The following KIF1C variants were observed in gnomAD, a reference collection of about 807,000 sequenced individuals.
KIF1C encodes the protein kinesin-like protein KIF1C.
Under a neutral mutation model 126.5 loss-of-function variants are expected in KIF1C, and 61 were observed. That is an observed-to-expected ratio of 0.48 (90% CI 0.39 to 0.60). The LOEUF is 0.60. Ranked by LOEUF, KIF1C falls within the 20% of genes least tolerant of loss-of-function variation. KIF1C has a pLI of 0.00. For missense variants in KIF1C, 1,315 were observed against 1,489.2 expected (o/e 0.88, Z 1.93); for synonymous variants, 640 against 580.6 (o/e 1.10, Z -1.47).
chr17:4,998,972 T>C (rs886133553), intron 1 of KIF1C: 2 of 152,220 alleles, frequency 1.3e-5, no homozygotes, highest in Non-Finnish European at 1.5e-5. Flanking sequence ...AGGTTGGGGC[T>C]GGCACCAGCC....
intron 9 of KIF1C, 66 bp from the exon 10 acceptor site, chr17:5,003,785 A>G: frequency 5.8e-6 from 9 of 1,560,002 alleles, no homozygotes; most frequent in Non-Finnish European, 8.0e-6. Context: ...CTGGGGAGGT[A>G]GGAAGCGGAA....
intron 13 of KIF1C, among the ~76,000 whole-genome samples, chr17:5,006,417 A>C (rs1408594365): frequency 6.7e-6 from 1 of 150,280 alleles, no homozygotes; most frequent in African/African-American, 2.4e-5. Context: ...GCTCACTGCA[A>C]CCTCTACCTC....
Position 5,023,369 on chromosome 17 carries a change from C to T in KIF1C, c.2629-99C>T. 2 of 1,022,590 alleles carry T rather than the reference C, an allele frequency of 2.0e-6. No homozygotes were observed. Among genetic ancestry groups the T allele is most frequent in the Non-Finnish European group, 2.9e-6 (2 of 687,458 alleles). 63.3% of individuals were successfully genotyped at this position (1,022,590 alleles called of 1,614,324 possible). On this transcript the variant is annotated intron_variant, in intron 22 of 22. Transcript: ENST00000320785. The surrounding 1 kb of genome is among the most constrained non-coding windows in gnomAD (Gnocchi z 4.2). ...TTATCTCTAGGCTTTTCTCTGGACC[C>T]TTTGACATCCAGCCACTCCAGGTCC...
At chr17:5,006,807 C>G in intron 13 of KIF1C, 108 bp from the exon 14 acceptor site, 1 of 1,157,254 alleles carries the variant, frequency 8.6e-7, no homozygotes, top group Admixed American at 2.1e-5. Flanking sequence ...CAGCAGTCTT[C>G]TGTAGTCCTT....
At chr17:5,004,152 C>A in intron 11 of KIF1C, 79 bp downstream of exon 11, 2 of 1,045,462 alleles carry the variant, frequency 1.9e-6, no homozygotes, top group Admixed American at 1.7e-5. Context: ...AATCCCCTTG[C>A]TATGCCGAGA....
rs201233538 is a variant in KIF1C, at chr17:5,002,472, T to C, written c.438T>C (p.Tyr146=). ...TTGCTTCTCCCACTCAGGTGAGCTA[T>C]ATGGAGATCTACTGTGAGCGGGTAC... ...AQLSYSVEVS[Y]MEIYCERVRD... Residue 146 remains tyrosine, a synonymous_variant, in exon 7 of 23, where the codon TAT becomes TAC. Transcript: ENST00000320785. 2.5e-6 allele frequency: 4 copies of C among 1,594,970 alleles called. No individual in the cohort carries two copies. Among genetic ancestry groups the C allele is most frequent in the South Asian group, 2.2e-5 (2 of 89,866 alleles).
chr17:5,001,350 C>T lies in KIF1C; in HGVS notation c.312C>T (p.Ser104=), dbSNP rs1297460346. Residue 104 remains serine, a synonymous_variant, in exon 5 of 23, where the codon TCC becomes TCT. Coordinates refer to ENST00000320785, the MANE Select transcript of KIF1C (RefSeq NM_006612.6). Reference sequence around the variant, plus strand: ...ATGGGCAGACCGGGGCTGGGAAATCCTATACCATGATGGGGCGACAGGAGC... The same window carrying T: ...ATGGGCAGACCGGGGCTGGGAAATCTTATACCATGATGGGGCGACAGGAGC... ...FAYGQTGAGK[S]YTMMGRQEPG... 6.2e-7 allele frequency: 1 copy of T among 1,613,972 alleles called. No homozygotes were observed. Among genetic ancestry groups the T allele is most frequent in the Non-Finnish European group, 8.5e-7 (1 of 1,179,968 alleles).
Position 5,004,621 on chromosome 17 carries a change from A to G in KIF1C, c.995A>G (p.Tyr332Cys). The change falls in exon 12 of 23, where the codon TAC becomes TGC. Residue 332 changes from tyrosine (Y) to cysteine (C), a missense_variant. Tyr to Cys is a radical substitution (Grantham distance 194). This residue lies in a region of KIF1C where 874 missense variants were observed against 1,053.2 expected (regional missense o/e 0.83). Coordinates refer to ENST00000320785, the MANE Select transcript of KIF1C (RefSeq NM_006612.6). ...IAALSPADIN[Y>C]EETLSTLRYA... ...GCCCTGAGCCCTGCTGACATCAATTACGAGGAGACTCTCAGCACCCTCAGG... is the reference window on the plus strand; with the variant it reads ...GCCCTGAGCCCTGCTGACATCAATTGCGAGGAGACTCTCAGCACCCTCAGG... The G allele has an allele frequency of 6.2e-7, 1 of 1,614,174 alleles. No homozygotes were observed. The highest frequency in any genetic ancestry group is 8.5e-7 in the Non-Finnish European group (1 of 1,180,012).
chr17:5,023,901 C>A lies in KIF1C; in HGVS notation c.3062C>A (p.Pro1021Gln), dbSNP rs369620316. 3.9e-6 allele frequency: 6 copies of A among 1,551,808 alleles called. No homozygotes were observed. In the East Asian group the frequency reaches 1.1e-4, roughly 29 times the overall value. ...PHPATPARRP[P>Q]SPRRSHHPRR... ...CCAGCCACCCCTGCCCGCCGGCCTC[C>A]GAGTCCCCGAAGGTCCCACCATCCC... Residue 1021 changes from proline to glutamine, a missense_variant, in exon 23 of 23, where the codon CCG (proline) becomes CAG (glutamine). Physicochemically the swap from Pro to Gln is moderately conservative, Grantham distance 76. This residue lies in a region of KIF1C where 441 missense variants were observed against 436.1 expected (regional missense o/e 1.01). Transcript: ENST00000320785. The surrounding 1 kb of genome is among the most constrained non-coding windows in gnomAD (Gnocchi z 4.2).
chr17:5,011,160 A>G (rs956980761), intron 16 of KIF1C, among the ~76,000 whole-genome samples: 1 of 152,180 alleles, frequency 6.6e-6, no homozygotes, highest in Non-Finnish European at 1.5e-5. Context: ...AACTCTTCTC[A>G]TGTTTAAAAG....
intron 11 of KIF1C, 67 bp downstream of exon 11, chr17:5,004,140 C>G: frequency 8.8e-7 from 1 of 1,131,504 alleles, no homozygotes; most frequent in Non-Finnish European, 1.3e-6. Flanking sequence ...ATACATCTGA[C>G]AAATCCCCTT....
In KIF1C at chr17:5,023,565, C is replaced by T. The variant is rs78970955; in HGVS notation, c.2726C>T (p.Pro909Leu). Reference protein sequence around the residue: ...AEEAAPSDRMPSARPPSPPLS... With the variant: ...AEEAAPSDRMLSARPPSPPLS... ...GAGGCAGCCCCCAGTGACCGCATGC[C>T]GTCAGCCCGGCCCCCCTCGCCACCA... Residue 909 changes from proline (P) to leucine (L), a missense_variant, in exon 23 of 23, where the codon CCG becomes CTG. By Grantham distance (98) the Pro-to-Leu change is moderately conservative (BLOSUM62 -3). Coordinates refer to ENST00000320785, the MANE Select transcript of KIF1C (RefSeq NM_006612.6). The surrounding 1 kb of genome is among the most constrained non-coding windows in gnomAD (Gnocchi z 4.2). 58 of 1,613,462 alleles carry T rather than the reference C, an allele frequency of 3.6e-5. No homozygotes were observed. Among genetic ancestry groups the T allele is most frequent in the African/African-American group, 5.3e-5 (4 of 74,876 alleles).
At chr17:5,007,574 G>A in intron 16 of KIF1C, 32 bp downstream of exon 16, 1 of 1,508,270 alleles carries the variant, frequency 6.6e-7, no homozygotes, top group Non-Finnish European at 8.9e-7. Context: ...GAGGCCTAGA[G>A]AGCTCTCTGG....
Position 5,000,354 on chromosome 17 carries a change from T to C in KIF1C, c.106+2T>C. The C allele has an allele frequency of 6.4e-7, 1 of 1,570,120 alleles. No individual in the cohort carries two copies. Among genetic ancestry groups the C allele is most frequent in the Non-Finnish European group, 8.6e-7 (1 of 1,156,674 alleles). ...TCAGCATGCAGGGCAACACCACCTGTGAGTGAGTCCCCGGGGCCTGGCTGG... is the reference window on the plus strand; with the variant it reads ...TCAGCATGCAGGGCAACACCACCTGCGAGTGAGTCCCCGGGGCCTGGCTGG... On this transcript the variant is annotated splice_donor_variant, in intron 3 of 22. Transcript: ENST00000320785. LOFTEE classifies it high-confidence loss of function.
chr17:5,015,562 G>T, intron 18 of KIF1C, among the ~76,000 whole-genome samples: 1 of 149,556 alleles, frequency 6.7e-6, no homozygotes, highest in Non-Finnish European at 1.5e-5. Flanking sequence ...GGGATTACAG[G>T]CGTGAGCCAC....
intron 6 of KIF1C, 24 bp from the exon 7 acceptor site, chr17:5,002,440 T>C (rs1175785072): frequency 1.1e-5 from 17 of 1,562,566 alleles, no homozygotes; most frequent in Non-Finnish European, 1.1e-5. Flanking sequence ...GTTTTGTTAC[T>C]TCTCATTTGC....
chr17:5,023,888 G>T lies in KIF1C; in HGVS notation c.3049G>T (p.Ala1017Ser), dbSNP rs185185243. The change falls in exon 23 of 23, where the codon GCC becomes TCC. Residue 1017 changes from alanine (A) to serine (S), a missense_variant. Around this residue, in one of 2 missense-constraint regions of KIF1C, gnomAD observed 441 missense variants for 436.1 expected, o/e 1.01. Coordinates refer to ENST00000320785, the MANE Select transcript of KIF1C (RefSeq NM_006612.6). The surrounding 1 kb of genome is among the most constrained non-coding windows in gnomAD (Gnocchi z 4.2). ...EEVTPHPATP[A>S]RRPPSPRRSH... ...GGTCACTCCCCATCCAGCCACCCCT[G>T]CCCGCCGGCCTCCGAGTCCCCGAAG... The T allele has an allele frequency of 2.6e-6, 4 of 1,544,146 alleles. No homozygotes were observed. The Admixed American group carries it at 6.0e-5, about 23-fold the overall frequency.
rs1975167405 is a variant in KIF1C at position 5,024,381 on chromosome 17, C to G, written c.*230C>G. On this transcript the variant is annotated 3_prime_UTR_variant, in exon 23 of 23. Transcript: ENST00000320785. ...AGTGAAGAGAGAGATAGGAAGCTGC[C>G]TCGGGGCCACCCCTTGCAAAGGGGG... 1 of 432,678 alleles carries G rather than the reference C, an allele frequency of 2.3e-6. No individual in the cohort carries two copies. Among genetic ancestry groups the G allele is most frequent in the Non-Finnish European group, 4.1e-6 (1 of 244,548 alleles). The allele number at this position is 432,678 out of a possible 1,614,324, so 26.8% of individuals were successfully genotyped here.
chr17:5,024,360 AAG>A lies in KIF1C; in HGVS notation c.*217_*218del, dbSNP rs1183681550. 9 of 459,114 alleles carry A rather than the reference AAG, an allele frequency of 2.0e-5. No homozygotes were observed. Among genetic ancestry groups the A allele is most frequent in the African/African-American group, 1.2e-4 (6 of 49,092 alleles). 28.4% of individuals were successfully genotyped at this position (459,114 alleles called of 1,614,324 possible). On this transcript the variant is annotated 3_prime_UTR_variant, in exon 23 of 23. Transcript: ENST00000320785. ...GAGTTGCCAGGAGCAAACCAAAGTG[AAG>A]AGAGAGATAGGAAGCTGCCTCGGGG...
Sources: allele counts gnomAD v4.1 joint callset (sites outside exome capture counted in the v4.1 genomes callset), GRCh38; gene constraint gnomAD v4.1.1; regional missense constraint gnomAD v4.1.1; non-coding constraint Gnocchi (gnomAD v3.1); transcripts MANE v1.5; gene names NCBI Gene and HGNC (gene_info 2026-07-23, HGNC 2026-07-21).